Variants in GRM7 observed in about 807,000 individuals in gnomAD.
GRM7 encodes the protein metabotropic glutamate receptor 7.
GRM7 carries 35 observed loss-of-function variants against 84.5 expected under a neutral mutation model. The observed-to-expected ratio is 0.41, with a 90% confidence interval of 0.32 to 0.55. GRM7 has a LOEUF of 0.55. Ranked by LOEUF, GRM7 falls within the 20% of genes least tolerant of loss-of-function variation. The pLI is 0.19. For synonymous variants in GRM7, 487 were observed against 455.1 expected (o/e 1.07, Z -0.89); for missense variants, 1,003 against 1,194.6 (o/e 0.84, Z 2.36).
At chr3:7,280,802 T>C (rs1272582816) in intron 2 of GRM7, among the ~76,000 whole-genome samples, 4 of 152,204 alleles carry the variant, frequency 2.6e-5, no homozygotes, top group African/African-American at 9.6e-5. Context: ...GTGCTTACAA[T>C]TGATAACTTG....
At position 7,056,996 on chromosome 3, in the gene GRM7, A is replaced by G. The variant is rs1291863965; in HGVS notation, c.520-89456A>G. On this transcript the variant is annotated intron_variant, in intron 1 of 9. Coordinates refer to ENST00000357716, the MANE Select transcript of GRM7 (RefSeq NM_000844.4). ...CTAAATCATTCTGCAGTACAACTAA[A>G]CATACTAACTTGGATTTTGTAGGGG... Among the ~76,000 whole-genome samples the G allele has an allele frequency of 3.3e-5, 5 of 152,078 alleles. No individual in the cohort carries two copies. The East Asian group carries it at 9.7e-4, about 30-fold the overall frequency.
At chr3:6,980,231 A>C (rs1694146303) in intron 1 of GRM7, among the ~76,000 whole-genome samples, 1 of 152,168 alleles carries the variant, frequency 6.6e-6, no homozygotes, top group African/African-American at 2.4e-5. Flanking sequence ...TCAGAGCATA[A>C]TGTTAATGAT....
intron 1 of GRM7, among the ~76,000 whole-genome samples, chr3:7,049,818 G>A (rs1201716350): frequency 6.6e-6 from 1 of 151,840 alleles, no homozygotes; most frequent in Non-Finnish European, 1.5e-5. Flanking sequence ...AGAAGATGGA[G>A]ATTACCCAAA....
At chr3:7,651,343 T>C (rs2125114507) in intron 8 of GRM7, among the ~76,000 whole-genome samples, 1 of 152,296 alleles carries the variant, frequency 6.6e-6, no homozygotes, top group Non-Finnish European at 1.5e-5. Context: ...CAGTATTCAT[T>C]TGAGTTGTCT....
chr3:7,582,546 T>G (rs1331997094), intron 8 of GRM7, among the ~76,000 whole-genome samples: 1 of 151,998 alleles, frequency 6.6e-6, no homozygotes, highest in African/African-American at 2.4e-5. Flanking sequence ...AGAAAAAGAT[T>G]GAGGCAATTG....
intron 1 of GRM7, among the ~76,000 whole-genome samples, chr3:7,018,700 G>C (rs1187992435): frequency 1.3e-5 from 2 of 152,228 alleles, no homozygotes; most frequent in Non-Finnish European, 2.9e-5. Context: ...CTGCAGCAGT[G>C]GCTGGAATAG....
At chr3:7,073,522 G>C (rs374376600) in intron 1 of GRM7, among the ~76,000 whole-genome samples, 1 of 152,216 alleles carries the variant, frequency 6.6e-6, no homozygotes, top group South Asian at 2.1e-4. Flanking sequence ...CTCGTTCCCT[G>C]ATAGTTGATT....
chr3:7,204,394 C>T (rs1406348039), intron 2 of GRM7, among the ~76,000 whole-genome samples: 1 of 152,168 alleles, frequency 6.6e-6, no homozygotes, highest in Admixed American at 6.5e-5. Flanking sequence ...TGAGTTTTGT[C>T]AGCTAATATT....
rs574247196 is a variant in GRM7, at chr3:6,875,121, A to G, written c.519+13214A>G. Among the ~76,000 whole-genome samples, 14 of 152,266 alleles carry G rather than the reference A, an allele frequency of 9.2e-5. No homozygotes were observed. In the South Asian group the frequency reaches 2.5e-3, roughly 27 times the overall value. On this transcript the variant is annotated intron_variant, in intron 1 of 9. Transcript: ENST00000357716. ...GTTGAATTGTGCTTATCAACAGTAC[A>G]TTAAAAGTTATGCAGAAAATGCTTT...
At chr3:7,269,376 T>A (rs1402678781) in intron 2 of GRM7, among the ~76,000 whole-genome samples, 2 of 152,080 alleles carry the variant, frequency 1.3e-5, no homozygotes, top group South Asian at 2.1e-4. Context: ...CCAAACTGAG[T>A]GGTGCTCAAG....
rs1694804815 is a variant in GRM7 at position 7,386,845 on chromosome 3, C to T, written c.1034-28178C>T. On this transcript the variant is annotated intron_variant, in intron 4 of 9. Transcript: ENST00000357716. ...TTTCTTGTCCTTTGAGATTTTCAAG[C>T]TACTTTCCACAGTGGCTGAGCTAAT... is the stretch of plus-strand genomic sequence containing the variant. Among the ~76,000 whole-genome samples, 3 of 152,310 alleles carry T rather than the reference C, an allele frequency of 2.0e-5. No homozygotes were observed. In the South Asian group the frequency reaches 6.2e-4, roughly 32 times the overall value.
intron 1 of GRM7, among the ~76,000 whole-genome samples, chr3:7,072,605 G>A (rs1465686200): frequency 6.6e-6 from 1 of 152,010 alleles, no homozygotes; most frequent in Non-Finnish European, 1.5e-5. Context: ...AGGATGACTT[G>A]AGAGTGGGAG....
intron 5 of GRM7, among the ~76,000 whole-genome samples, chr3:7,418,859 C>A (rs1696280531): frequency 6.6e-6 from 1 of 152,192 alleles, no homozygotes; most frequent in African/African-American, 2.4e-5. Flanking sequence ...TCCATAACCA[C>A]ACATGCCTGT....
At chr3:7,193,773 T>G (rs1357952651) in intron 2 of GRM7, among the ~76,000 whole-genome samples, 1 of 152,022 alleles carries the variant, frequency 6.6e-6, no homozygotes, top group Admixed American at 6.6e-5. Flanking sequence ...CAGAAGGACT[T>G]TAAAATATAA....
chr3:6,985,556 CTGATGGATCT>C (rs1438489583), intron 1 of GRM7, among the ~76,000 whole-genome samples: 1 of 152,176 alleles, frequency 6.6e-6, no homozygotes, highest in East Asian at 1.9e-4. Context: ...GCAGGTATGC[CTGATGGATCT>C]TGTGTTATAG....
chr3:7,505,371 A>T (rs181043220), intron 7 of GRM7, among the ~76,000 whole-genome samples: 1 of 152,212 alleles, frequency 6.6e-6, no homozygotes, highest in Admixed American at 6.5e-5. Flanking sequence ...GGTGACCCTG[A>T]CCCTATGGCT....
At chr3:6,904,039 G>A (rs982563566) in intron 1 of GRM7, among the ~76,000 whole-genome samples, 3 of 151,878 alleles carry the variant, frequency 2.0e-5, no homozygotes, top group East Asian at 1.9e-4. Context: ...TTTTAATGTT[G>A]TATATATCGT....
intron 1 of GRM7, among the ~76,000 whole-genome samples, chr3:7,034,995 T>C (rs1319796026): frequency 6.6e-6 from 1 of 152,108 alleles, no homozygotes; most frequent in Non-Finnish European, 1.5e-5. Context: ...CTTCGTGAGA[T>C]TTGACCTTTT....
intron 1 of GRM7, among the ~76,000 whole-genome samples, chr3:7,017,583 C>T (rs372255035): frequency 4.1e-4 from 62 of 152,188 alleles, no homozygotes; most frequent in Non-Finnish European, 4.9e-4. Context: ...TATATTTTCC[C>T]GAATCCGATG....
Sources: allele counts gnomAD v4.1 joint callset (sites outside exome capture counted in the v4.1 genomes callset), GRCh38; gene constraint gnomAD v4.1.1; transcripts MANE v1.5; gene names NCBI Gene and HGNC (gene_info 2026-07-23, HGNC 2026-07-21).